RUNX2: variants seen among roughly 807,000 people sequenced by gnomAD.
The protein encoded by RUNX2 is RUNX family transcription factor 2.
Under a neutral mutation model 51.7 loss-of-function variants are expected in RUNX2, and 10 were observed. The ratio of observed to expected loss-of-function variants is 0.19; its 90% CI spans 0.12 to 0.33. The LOEUF is 0.33. Among genes scored for constraint, RUNX2 ranks in the 10% least tolerant of loss-of-function variants. RUNX2 has a pLI of 1.00. For missense variants in RUNX2, 562 were observed against 691.3 expected (o/e 0.81, Z 2.10); for synonymous variants, 276 against 273.6 (o/e 1.01, Z -0.09).
intron 2 of RUNX2, among the ~76,000 whole-genome samples, chr6:45,389,195 C>G (rs1455374714): frequency 1.3e-5 from 2 of 152,322 alleles, no homozygotes; most frequent in Non-Finnish European, 2.9e-5. Flanking sequence ...AATAGTTTCT[C>G]TTCAATAGAA....
intron 6 of RUNX2, among the ~76,000 whole-genome samples, chr6:45,503,222 A>C (rs1800851656): frequency 6.6e-6 from 1 of 152,294 alleles, no homozygotes; most frequent in East Asian, 1.9e-4. Flanking sequence ...TCTCCTACCC[A>C]ACTGTAAAAC....
At chr6:45,365,209 C>T (rs1166953584) in intron 2 of RUNX2, 2 of 1,605,914 alleles carry the variant, frequency 1.2e-6, no homozygotes, top group African/African-American at 2.7e-5. Context: ...ACATCATACT[C>T]TGTAATTCTG....
intron 2 of RUNX2, among the ~76,000 whole-genome samples, chr6:45,361,949 G>A (rs1354282814): frequency 6.6e-6 from 1 of 152,176 alleles, no homozygotes; most frequent in African/African-American, 2.4e-5. Flanking sequence ...TACTTGGGAG[G>A]CTGAAGCAGG....
At chr6:45,433,482 TA>T (rs1798599829) in intron 4 of RUNX2, among the ~76,000 whole-genome samples, 1 of 148,460 alleles carries the variant, frequency 6.7e-6, no homozygotes, top group Non-Finnish European at 1.5e-5. Context: ...TCTTCTTATG[TA>T]ATAATACTTT....
At chr6:45,335,184 C>G (rs568210146) in intron 2 of RUNX2, among the ~76,000 whole-genome samples, 1 of 151,250 alleles carries the variant, frequency 6.6e-6, no homozygotes, top group South Asian at 2.1e-4. Context: ...AATTAACTTT[C>G]TTTTTAAATT....
At chr6:45,518,785 G>A (rs1218581665) in intron 7 of RUNX2, among the ~76,000 whole-genome samples, 1 of 152,116 alleles carries the variant, frequency 6.6e-6, no homozygotes, top group Non-Finnish European at 1.5e-5. Flanking sequence ...ATATTTTATT[G>A]AGGATTTGCT....
chr6:45,351,092 C>T (rs1791921977), intron 2 of RUNX2, among the ~76,000 whole-genome samples: 1 of 152,172 alleles, frequency 6.6e-6, no homozygotes, highest in Non-Finnish European at 1.5e-5. Context: ...TGTCCCCACC[C>T]CACCAACCCA....
intron 2 of RUNX2, among the ~76,000 whole-genome samples, chr6:45,400,185 A>G (rs62400349): frequency 4.6e-4 from 64 of 138,880 alleles, no homozygotes; most frequent in Non-Finnish European, 7.8e-4. Context: ...GAAGGAGGGA[A>G]TGAGGGAAGG....
chr6:45,450,594 T>C (rs1799139452), intron 5 of RUNX2, among the ~76,000 whole-genome samples: 1 of 151,990 alleles, frequency 6.6e-6, no homozygotes, highest in African/African-American at 2.4e-5. Context: ...TAAAGAGTAA[T>C]GGAGTGGGAG....
At chr6:45,362,428 T>C (rs1794425871) in intron 2 of RUNX2, among the ~76,000 whole-genome samples, 1 of 152,192 alleles carries the variant, frequency 6.6e-6, no homozygotes, top group Non-Finnish European at 1.5e-5. Flanking sequence ...ATGAAATTAC[T>C]GTAACACAAA....
intron 2 of RUNX2, among the ~76,000 whole-genome samples, chr6:45,329,600 G>A (rs1338827190): frequency 6.6e-6 from 1 of 151,722 alleles, no homozygotes; most frequent in Non-Finnish European, 1.5e-5. Context: ...CACATTCTTG[G>A]ACCTACCAAA....
chr6:45,390,667 G>A (rs1273846666), intron 2 of RUNX2, among the ~76,000 whole-genome samples: 3 of 152,062 alleles, frequency 2.0e-5, no homozygotes, highest in Non-Finnish European at 4.4e-5. Context: ...AATGGAAGGT[G>A]AAAGTGTAAT....
At chr6:45,518,964 G>T (rs1397166749) in intron 7 of RUNX2, among the ~76,000 whole-genome samples, 2 of 152,174 alleles carry the variant, frequency 1.3e-5, no homozygotes, top group Non-Finnish European at 2.9e-5. Flanking sequence ...TCACTAAAGA[G>T]TCTTTGTATC....
intron 5 of RUNX2, among the ~76,000 whole-genome samples, chr6:45,449,419 G>A (rs555821337): frequency 6.6e-6 from 1 of 152,284 alleles, no homozygotes; most frequent in East Asian, 1.9e-4. Context: ...TGAGGGAGGC[G>A]TTATGCATTT....
chr6:45,353,152 T>A (rs1214976719), intron 2 of RUNX2, among the ~76,000 whole-genome samples: 1 of 152,122 alleles, frequency 6.6e-6, no homozygotes, highest in South Asian at 2.1e-4. Flanking sequence ...AATGATTTCA[T>A]TAATCAACTT....
intron 7 of RUNX2, among the ~76,000 whole-genome samples, chr6:45,542,203 A>C (rs1187285135): frequency 6.6e-6 from 1 of 152,178 alleles, no homozygotes; most frequent in East Asian, 1.9e-4. Context: ...AGACCCAAGA[A>C]ACCTAGTTGG....
chr6:45,476,962 T>G (rs1340113769), intron 5 of RUNX2, among the ~76,000 whole-genome samples: 1 of 152,138 alleles, frequency 6.6e-6, no homozygotes, highest in Non-Finnish European at 1.5e-5. Context: ...CTTGAAGCCA[T>G]TGGGATTGAT....
intron 3 of RUNX2, among the ~76,000 whole-genome samples, chr6:45,425,480 A>G (rs758429130): frequency 3.5e-4 from 53 of 152,238 alleles, no homozygotes; most frequent in Non-Finnish European, 6.2e-4. Flanking sequence ...ACCATATTAA[A>G]TTGACTATTT....
chr6:45,431,067 TG>T (rs1202466065), intron 3 of RUNX2, among the ~76,000 whole-genome samples: 1 of 152,238 alleles, frequency 6.6e-6, no homozygotes, highest in African/African-American at 2.4e-5. Context: ...GTTCCAAAGA[TG>T]GATTAATCTA....
Sources: allele counts gnomAD v4.1 joint callset (sites outside exome capture counted in the v4.1 genomes callset), GRCh38; gene constraint gnomAD v4.1.1; transcripts MANE v1.5; gene names NCBI Gene and HGNC (gene_info 2026-07-23, HGNC 2026-07-21).